The following GALNT17 variants were observed in gnomAD, a reference collection of about 807,000 sequenced individuals.
The protein encoded by GALNT17 is UDP-GalNAc:polypeptide N-acetylgalactosaminyltransferase-like 3.
GALNT17 carries 29 observed loss-of-function variants against 63.7 expected under a neutral mutation model. The observed-to-expected ratio is 0.46, with a 90% CI of 0.34 to 0.62. The LOEUF is 0.62. Ranked by LOEUF, GALNT17 falls within the 20% of genes least tolerant of loss-of-function variation. GALNT17 has a pLI of 0.01. For synonymous variants in GALNT17, 305 were observed against 318.3 expected, an observed-to-expected ratio of 0.96 and a Z score of 0.45; for missense variants, 603 against 799.6, an observed-to-expected ratio of 0.75 and a Z score of 2.97.
intron 2 of GALNT17, among the ~76,000 whole-genome samples, chr7:71,371,185 A>C (rs1792616915): frequency 6.6e-6 from 1 of 152,200 alleles, no homozygotes; most frequent in Non-Finnish European, 1.5e-5. Context: ...TGAAAATCTC[A>C]GGCTTTTAGT....
At chr7:71,694,015 C>A (rs1193164491) in intron 9 of GALNT17, among the ~76,000 whole-genome samples, 3 of 152,006 alleles carry the variant, frequency 2.0e-5, no homozygotes, top group African/African-American at 7.2e-5. Context: ...GGGCAATTTA[C>A]AAAACAAGGA....
chr7:71,147,297 G>A (rs1788041579), intron 1 of GALNT17, among the ~76,000 whole-genome samples: 1 of 152,126 alleles, frequency 6.6e-6, no homozygotes, highest in African/African-American at 2.4e-5. Flanking sequence ...GCCTGTCCAA[G>A]TCCCCAAACT....
intron 6 of GALNT17, among the ~76,000 whole-genome samples, chr7:71,574,285 T>C (rs1266733519): frequency 6.6e-6 from 1 of 152,214 alleles, no homozygotes; most frequent in Non-Finnish European, 1.5e-5. Flanking sequence ...CTGGAATGAA[T>C]GGTCCCTGCA....
chr7:71,146,993 A>G (rs982501709), intron 1 of GALNT17, among the ~76,000 whole-genome samples: 1 of 152,182 alleles, frequency 6.6e-6, no homozygotes, highest in Non-Finnish European at 1.5e-5. Flanking sequence ...CTGTAGTTAC[A>G]TACAGCTTGT....
At chr7:71,158,048 T>G (rs1445185084) in intron 1 of GALNT17, among the ~76,000 whole-genome samples, 2 of 151,876 alleles carry the variant, frequency 1.3e-5, no homozygotes, top group African/African-American at 4.9e-5. Flanking sequence ...TTAGGTTGAT[T>G]CCATACCTTG....
intron 1 of GALNT17, among the ~76,000 whole-genome samples, chr7:71,305,688 A>G (rs1009854224): frequency 2.6e-5 from 4 of 152,180 alleles, no homozygotes; most frequent in Non-Finnish European, 5.9e-5. Flanking sequence ...GGTCAGCAGT[A>G]AAGGACTTAC....
At position 71,500,717 on chromosome 7, in the gene GALNT17, C is replaced by T. The variant is rs539816074; in HGVS notation, c.963-70568C>T. On this transcript the variant is annotated intron_variant, in intron 5 of 10. Coordinates refer to ENST00000333538, the MANE Select transcript of GALNT17 (RefSeq NM_022479.3). ...AGGGCTCTTTCCTTTCATCACTTTC[C>T]CCTTATCTTTTAGATTCCGGGGACC... Among the ~76,000 whole-genome samples, 12 of 152,198 alleles carry T rather than the reference C, an allele frequency of 7.9e-5. No individual in the cohort carries two copies. In the South Asian group the frequency reaches 2.3e-3, roughly 29 times the overall value.
At chr7:71,133,677 G>A (rs546111973) in intron 1 of GALNT17, among the ~76,000 whole-genome samples, 1 of 152,272 alleles carries the variant, frequency 6.6e-6, no homozygotes, top group African/African-American at 2.4e-5. Context: ...CCAGAATGTA[G>A]CACAGAGAGA....
chr7:71,300,368 G>T (rs1278357931), intron 1 of GALNT17: 1 of 442,064 alleles, frequency 2.3e-6, no homozygotes, highest in Admixed American at 2.6e-5. Flanking sequence ...CCACCTCTTG[G>T]TGTGCTGGCA....
chr7:71,508,069 C>T (rs980350548), intron 5 of GALNT17, among the ~76,000 whole-genome samples: 8 of 152,086 alleles, frequency 5.3e-5, no homozygotes, highest in Admixed American at 1.3e-4. Context: ...GTTTCCTTGC[C>T]GTAATGAGAT....
intron 6 of GALNT17, among the ~76,000 whole-genome samples, chr7:71,614,882 A>C (rs1562710941): frequency 1.2e-5 from 1 of 86,744 alleles, no homozygotes; most frequent in Non-Finnish European, 2.1e-5. Context: ...CAGGGAGGGA[A>C]GGGAGGGAGG....
chr7:71,375,768 C>T (rs1212254550), intron 2 of GALNT17, among the ~76,000 whole-genome samples: 1 of 152,158 alleles, frequency 6.6e-6, no homozygotes, highest in Non-Finnish European at 1.5e-5. Context: ...GACGTGGTGG[C>T]TCATGCCTGT....
intron 1 of GALNT17, among the ~76,000 whole-genome samples, chr7:71,151,168 T>G (rs2116214631): frequency 6.6e-6 from 1 of 152,276 alleles, no homozygotes; most frequent in South Asian, 2.1e-4. Flanking sequence ...ACTACCTAAG[T>G]GACAGGCCAG....
chr7:71,536,060 T>A (rs1788797532), intron 5 of GALNT17, among the ~76,000 whole-genome samples: 1 of 152,212 alleles, frequency 6.6e-6, no homozygotes, highest in African/African-American at 2.4e-5. Context: ...ATGACTCAAC[T>A]GACTATTTGA....
At chr7:71,455,003 CA>C (rs1289400993) in intron 5 of GALNT17, among the ~76,000 whole-genome samples, 1 of 151,516 alleles carries the variant, frequency 6.6e-6, no homozygotes, top group East Asian at 1.9e-4. Context: ...CCCATTTCTA[CA>C]AAAAAATACA....
intron 1 of GALNT17, among the ~76,000 whole-genome samples, chr7:71,314,318 C>T (rs1475201858): frequency 6.6e-6 from 1 of 151,978 alleles, no homozygotes. Flanking sequence ...AGGCAATAGT[C>T]ATTGGATTAG....
At chr7:71,487,233 A>G (rs1442623740) in intron 5 of GALNT17, among the ~76,000 whole-genome samples, 1 of 151,736 alleles carries the variant, frequency 6.6e-6, no homozygotes, top group African/African-American at 2.4e-5. Flanking sequence ...GGCCTATGAC[A>G]AGTGTCTCCA....
At chr7:71,682,641 C>T (rs1003763071) in intron 9 of GALNT17, among the ~76,000 whole-genome samples, 1 of 152,102 alleles carries the variant, frequency 6.6e-6, no homozygotes, top group Admixed American at 6.6e-5. Context: ...ACCTCCTAGG[C>T]TCAAGAAATC....
intron 2 of GALNT17, among the ~76,000 whole-genome samples, chr7:71,340,931 G>A (rs1175832640): frequency 2.0e-5 from 3 of 152,136 alleles, no homozygotes; most frequent in Non-Finnish European, 2.9e-5. Flanking sequence ...CCAGCTACTT[G>A]GGAGGCTGAG....
Sources: allele counts gnomAD v4.1 joint callset (sites outside exome capture counted in the v4.1 genomes callset), GRCh38; gene constraint gnomAD v4.1.1; transcripts MANE v1.5; gene names NCBI Gene and HGNC (gene_info 2026-07-23, HGNC 2026-07-21).